PDSS2: variants seen among roughly 807,000 people sequenced by gnomAD.
PDSS2 encodes the protein all trans-polyprenyl-diphosphate synthase PDSS2.
A neutral mutation model predicts 44.5 loss-of-function variants in PDSS2; 31 were observed. The observed-to-expected ratio is 0.70, with a 90% CI of 0.52 to 0.94. The LOEUF is 0.94. PDSS2 is among the 40% of genes least tolerant of loss of function. PDSS2 has a pLI of 0.00. For synonymous variants in PDSS2, 157 were observed against 180.3 expected (o/e 0.87, Z 1.03); for missense variants, 452 against 482.2 (o/e 0.94, Z 0.59).
At chr6:107,172,942 G>A (rs1430424518) in intron 7 of PDSS2, among the ~76,000 whole-genome samples, 1 of 151,754 alleles carries the variant, frequency 6.6e-6, no homozygotes, top group African/African-American at 2.4e-5. Context: ...TGGCCAACAT[G>A]GTGAAACCCC....
chr6:107,222,011 T>C (rs9386627), intron 4 of PDSS2, among the ~76,000 whole-genome samples: 115,605 of 152,198 alleles, frequency 0.76, 44,623 homozygotes, highest in East Asian at 0.99. Flanking sequence ...ATGCTTAGGA[T>C]TTCAGATTCA....
At chr6:107,310,571 G>A (rs1329236232) in intron 2 of PDSS2, among the ~76,000 whole-genome samples, 1 of 152,102 alleles carries the variant, frequency 6.6e-6, no homozygotes, top group Non-Finnish European at 1.5e-5. Flanking sequence ...CGTCCAAAGA[G>A]AATCATTTAC....
At chr6:107,207,898 CCA>C in intron 6 of PDSS2, among the ~76,000 whole-genome samples, 1 of 151,478 alleles carries the variant, frequency 6.6e-6, no homozygotes, top group East Asian at 1.9e-4. Context: ...GCATGAGCCA[CCA>C]TGTCCAGCCA....
At chr6:107,395,144 T>C (rs1779901764) in intron 1 of PDSS2, among the ~76,000 whole-genome samples, 1 of 152,174 alleles carries the variant, frequency 6.6e-6, no homozygotes, top group South Asian at 2.1e-4. Context: ...TTATAGTTTC[T>C]GATATGTCTT....
chr6:107,185,674 A>G (rs1214937961), intron 7 of PDSS2, among the ~76,000 whole-genome samples: 2 of 152,208 alleles, frequency 1.3e-5, no homozygotes, highest in Non-Finnish European at 2.9e-5. Context: ...GTTTTCTTTT[A>G]GATATATATA....
chr6:107,361,101 T>C (rs1778759642), intron 1 of PDSS2, among the ~76,000 whole-genome samples: 1 of 152,172 alleles, frequency 6.6e-6, no homozygotes, highest in South Asian at 2.1e-4. Context: ...AAAACCTTCA[T>C]TGTGAAAAAA....
intron 3 of PDSS2, among the ~76,000 whole-genome samples, chr6:107,256,762 C>T (rs1324415816): frequency 6.6e-6 from 1 of 152,118 alleles, no homozygotes; most frequent in Non-Finnish European, 1.5e-5. Context: ...GGCACAGTGA[C>T]TCATGCCTGT....
Position 107,154,601 on chromosome 6 carries a change from T to G in PDSS2, c.*18A>C. The stretch of plus-strand genomic sequence containing the variant: ...AGGATTTTCAGCTAACTAACAATAG[T>G]GTCTTTTTAATTTGATGTCATGAAA... On this transcript the variant is annotated 3_prime_UTR_variant, in exon 8 of 8. Coordinates refer to ENST00000369037, the MANE Select transcript of PDSS2 (RefSeq NM_020381.4). The G allele has an allele frequency of 6.2e-7, 1 of 1,612,962 alleles. No individual in the cohort carries two copies. The highest frequency in any genetic ancestry group is 8.5e-7 in the Non-Finnish European group (1 of 1,178,984).
At chr6:107,458,649 T>TA (rs34853592) in intron 1 of PDSS2, among the ~76,000 whole-genome samples, 8,759 of 143,118 alleles carry the variant, frequency 0.061, 381 homozygotes, top group South Asian at 0.16. Flanking sequence ...TCTATCCCAT[T>TA]AAAAAAAAAA....
intron 1 of PDSS2, among the ~76,000 whole-genome samples, chr6:107,421,692 C>G (rs532209040): frequency 5.2e-4 from 79 of 151,466 alleles, no homozygotes; most frequent in Non-Finnish European, 1.0e-3. Flanking sequence ...ATTCCTGGTG[C>G]TGCACTTTGT....
intron 3 of PDSS2, among the ~76,000 whole-genome samples, chr6:107,256,473 T>C (rs543135258): frequency 1.3e-5 from 2 of 152,236 alleles, no homozygotes; most frequent in Non-Finnish European, 2.9e-5. Context: ...CTCTTCAAAT[T>C]GGGCCACACT....
At chr6:107,291,607 C>T (rs1022952592) in intron 2 of PDSS2, among the ~76,000 whole-genome samples, 2 of 150,172 alleles carry the variant, frequency 1.3e-5, no homozygotes, top group Non-Finnish European at 3.0e-5. Flanking sequence ...CTCAAGTGAT[C>T]CTCCCACCTT....
chr6:107,430,856 T>C (rs987256260), intron 1 of PDSS2, among the ~76,000 whole-genome samples: 2 of 152,042 alleles, frequency 1.3e-5, no homozygotes, highest in East Asian at 3.9e-4. Flanking sequence ...CAGGGCCACA[T>C]GTTAACCAGC....
intron 1 of PDSS2, among the ~76,000 whole-genome samples, chr6:107,346,281 A>C (rs1050916959): frequency 6.6e-6 from 1 of 152,172 alleles, no homozygotes; most frequent in African/African-American, 2.4e-5. Flanking sequence ...AATTGCCAGG[A>C]AGCTGCAGGG....
Position 107,380,261 on chromosome 6 carries a change from C to T in PDSS2, c.297-45929G>A, listed in dbSNP as rs563672201. 2.4e-4 allele frequency among the ~76,000 whole-genome samples: 36 copies of T among 152,200 alleles called. No individual in the cohort carries two copies. The South Asian group carries it at 6.6e-3, about 28-fold the overall frequency. The stretch of plus-strand genomic sequence containing the variant: ...TCTTAATTTACTGGAGCTCTGTTGA[C>T]GTGGTAGGAAGGTATTGTGGAAGGG... On this transcript the variant is annotated intron_variant, in intron 1 of 7. Transcript: ENST00000369037.
At chr6:107,457,571 T>C (rs1782084781) in intron 1 of PDSS2, among the ~76,000 whole-genome samples, 1 of 152,170 alleles carries the variant, frequency 6.6e-6, no homozygotes, top group Non-Finnish European at 1.5e-5. Flanking sequence ...TGTGCCTCCA[T>C]TCGTGACAAC....
chr6:107,419,610 C>T (rs1318021982), intron 1 of PDSS2, among the ~76,000 whole-genome samples: 1 of 152,138 alleles, frequency 6.6e-6, no homozygotes, highest in Non-Finnish European at 1.5e-5. Context: ...GAGAAATAAT[C>T]CATCAAATTC....
intron 4 of PDSS2, among the ~76,000 whole-genome samples, chr6:107,244,679 C>A (rs897334647): frequency 6.6e-6 from 1 of 152,170 alleles, no homozygotes; most frequent in Non-Finnish European, 1.5e-5. Flanking sequence ...AATTTCTTAT[C>A]CAAGTTACTC....
intron 2 of PDSS2, among the ~76,000 whole-genome samples, chr6:107,332,974 A>T (rs1311225146): frequency 6.6e-6 from 1 of 152,212 alleles, no homozygotes; most frequent in East Asian, 1.9e-4. Flanking sequence ...AACAGTAATC[A>T]TTTCGCTTGC....
Sources: allele counts gnomAD v4.1 joint callset (sites outside exome capture counted in the v4.1 genomes callset), GRCh38; gene constraint gnomAD v4.1.1; transcripts MANE v1.5; gene names NCBI Gene and HGNC (gene_info 2026-07-23, HGNC 2026-07-21).